The following LPP variants were observed in gnomAD, a reference collection of about 807,000 sequenced individuals.
LPP encodes lipoma-preferred partner.
Under a neutral mutation model 60.4 loss-of-function variants are expected in LPP, and 38 were observed. The ratio of observed to expected loss-of-function variants is 0.63; its 90% CI spans 0.49 to 0.83. The LOEUF (loss-of-function observed/expected upper bound fraction) is 0.83. LPP is among the 40% of genes least tolerant of loss of function. The probability of loss-of-function intolerance (pLI) is 0.00; values close to 1 mark genes in which losing one functional copy is unlikely to be tolerated. For synonymous variants in LPP, 328 were observed against 290.8 expected, an observed-to-expected ratio of 1.13 and a Z score of -1.30; for missense variants, 902 against 783.6, an observed-to-expected ratio of 1.15 and a Z score of -1.80.
intron 1 of LPP, among the ~76,000 whole-genome samples, chr3:188,195,616 C>G (rs1368356499): frequency 6.6e-6 from 1 of 152,090 alleles, no homozygotes; most frequent in African/African-American, 2.4e-5. Flanking sequence ...GTGGCTAGTT[C>G]GAACTGAGAT....
intron 6 of LPP, among the ~76,000 whole-genome samples, chr3:188,533,449 A>G (rs1426811251): frequency 1.3e-5 from 2 of 152,296 alleles, no homozygotes; most frequent in Middle Eastern, 3.4e-3. Context: ...ACTCTGTTGA[A>G]AAAGAAAATA....
chr3:188,831,920 T>C (rs1435772107), intron 9 of LPP, among the ~76,000 whole-genome samples: 5 of 152,234 alleles, frequency 3.3e-5, no homozygotes, highest in African/African-American at 4.8e-5. Context: ...AAAGATGTGC[T>C]ATATATGTGT....
chr3:188,237,121 G>T (rs1386535553), intron 2 of LPP, among the ~76,000 whole-genome samples: 1 of 152,000 alleles, frequency 6.6e-6, no homozygotes, highest in Non-Finnish European at 1.5e-5. Flanking sequence ...TCTTCACCAG[G>T]GGTAATTTCC....
chr3:188,703,527 G>A (rs1864897224), intron 7 of LPP, among the ~76,000 whole-genome samples: 1 of 152,180 alleles, frequency 6.6e-6, no homozygotes, highest in Non-Finnish European at 1.5e-5. Context: ...CAGGTGTTAA[G>A]TATTCTGCAC....
rs150729159 is a variant in LPP at position 188,713,656 on chromosome 3, A to G, written c.1240+5263A>G. Among the ~76,000 whole-genome samples the G allele has an allele frequency of 3.9e-5, 6 of 152,316 alleles. No individual in the cohort carries two copies. The East Asian group carries it at 1.2e-3, about 29-fold the overall frequency. On this transcript the variant is annotated intron_variant, in intron 8 of 11. Transcript: ENST00000617246. ...AGAGGGATGATTGACAGATATACGT[A>G]GACAAACAGAGATAGAGATAAATGT...
intron 3 of LPP, among the ~76,000 whole-genome samples, chr3:188,367,759 C>T (rs1241425879): frequency 1.3e-5 from 2 of 152,044 alleles, no homozygotes; most frequent in Admixed American, 1.3e-4. Flanking sequence ...TTGATGCATC[C>T]CCAACAAGTT....
intron 1 of LPP, among the ~76,000 whole-genome samples, chr3:188,160,415 A>C (rs1717900456): frequency 6.6e-6 from 1 of 151,528 alleles, no homozygotes; most frequent in Non-Finnish European, 1.5e-5. Flanking sequence ...GCTGGTCTTG[A>C]ACTCCTGACC....
chr3:188,661,774 CA>C (rs1174884751), intron 7 of LPP, among the ~76,000 whole-genome samples: 2 of 152,220 alleles, frequency 1.3e-5, no homozygotes, highest in Non-Finnish European at 2.9e-5. Flanking sequence ...TTTTGACATG[CA>C]CCCTGCCTCA....
intron 8 of LPP, among the ~76,000 whole-genome samples, chr3:188,724,126 G>A (rs569515647): frequency 4.1e-4 from 62 of 152,258 alleles, no homozygotes; most frequent in African/African-American, 1.5e-3. Flanking sequence ...AGTTCTACAT[G>A]CATTACTTAT....
chr3:188,800,175 C>CTT lies in LPP; in HGVS notation c.1410+39908_1410+39909dup, dbSNP rs35258838. ...TACTGATTAGTATTTAACATTGTTTCTTTTTTTTTTTTTTTTGCCATTAAA... is the reference window on the plus strand; with the variant it reads ...TACTGATTAGTATTTAACATTGTTTCTTTTTTTTTTTTTTTTTTGCCATTAAA... On this transcript the variant is annotated intron_variant, in intron 9 of 11. Transcript: ENST00000617246. Among the ~76,000 whole-genome samples, 545 of 115,716 alleles carry CTT rather than the reference C, an allele frequency of 4.7e-3. 3 individuals are homozygous for CTT. The highest frequency in any genetic ancestry group is 0.013 in the African/African-American group (414 of 32,956). 75.9% of individuals were successfully genotyped at this position (115,716 alleles called of 152,430 possible).
chr3:188,230,562 T>A (rs1163562861), intron 2 of LPP, among the ~76,000 whole-genome samples: 1 of 151,950 alleles, frequency 6.6e-6, no homozygotes, highest in Non-Finnish European at 1.5e-5. Context: ...GGCAGGCAGA[T>A]CACCTGAGGT....
intron 2 of LPP, chr3:188,240,255 A>G (rs1723619654): frequency 5.8e-6 from 1 of 172,998 alleles, no homozygotes; most frequent in Non-Finnish European, 1.2e-5. Context: ...TAAGCCAAAA[A>G]GTAGTGAGGG....
Position 188,874,534 on chromosome 3 carries a change from G to C in LPP, c.*55G>C. The C allele has an allele frequency of 1.3e-6, 2 of 1,588,660 alleles. No homozygotes were observed. The highest frequency in any genetic ancestry group is 1.1e-5 in the South Asian group (1 of 89,272). On this transcript the variant is annotated 3_prime_UTR_variant, in exon 12 of 12. Transcript: ENST00000617246. ...AAGAACGAACACAAGAAAAAGATAA[G>C]AAATACTAGAGTAAAGGCCATCAAA...
chr3:188,288,807 CT>C (rs1744915547), intron 2 of LPP, among the ~76,000 whole-genome samples: 1 of 53,896 alleles, frequency 1.9e-5, no homozygotes, highest in Non-Finnish European at 3.3e-5. Context: ...CTCTCTCTCT[CT>C]CCACCCCCCA....
chr3:188,428,960 G>C (rs139460523), intron 4 of LPP, among the ~76,000 whole-genome samples: 464 of 152,220 alleles, frequency 3.0e-3, no homozygotes, highest in Non-Finnish European at 5.4e-3. Context: ...ATCCTCATCA[G>C]ATAGGACCTT....
chr3:188,368,310 A>T (rs1391982839), intron 3 of LPP, among the ~76,000 whole-genome samples: 1 of 152,082 alleles, frequency 6.6e-6, no homozygotes, highest in Non-Finnish European at 1.5e-5. Context: ...CTTTTTTTGC[A>T]TTCAAAACCA....
At chr3:188,752,355 A>G (rs977284106) in intron 8 of LPP, among the ~76,000 whole-genome samples, 7 of 152,214 alleles carry the variant, frequency 4.6e-5, no homozygotes, top group Non-Finnish European at 7.3e-5. Flanking sequence ...AGACAAGGAA[A>G]TTCGGGCTCA....
At chr3:188,655,354 G>C (rs889818608) in intron 7 of LPP, among the ~76,000 whole-genome samples, 3 of 152,016 alleles carry the variant, frequency 2.0e-5, no homozygotes, top group Non-Finnish European at 2.9e-5. Context: ...TGAGGGAAAG[G>C]ACATCAGAAA....
chr3:188,690,017 C>T (rs908976911), intron 7 of LPP, among the ~76,000 whole-genome samples: 4 of 151,936 alleles, frequency 2.6e-5, no homozygotes. Context: ...CATCTGTTTC[C>T]CTGACTTTAT....
Sources: allele counts gnomAD v4.1 joint callset (sites outside exome capture counted in the v4.1 genomes callset), GRCh38; gene constraint gnomAD v4.1.1; transcripts MANE v1.5; gene names NCBI Gene and HGNC (gene_info 2026-07-23, HGNC 2026-07-21).